The following PTGFRN variants were observed in gnomAD, a reference collection of about 807,000 sequenced individuals.
PTGFRN encodes the protein prostaglandin F2 receptor inhibitor.
A neutral mutation model predicts 83.2 loss-of-function variants in PTGFRN; 35 were observed. The ratio of observed to expected loss-of-function variants is 0.42; its 90% CI spans 0.32 to 0.56. The LOEUF is 0.56. Ranked by LOEUF, PTGFRN falls within the 20% of genes least tolerant of loss-of-function variation. PTGFRN has a pLI of 0.11. For synonymous variants in PTGFRN, 519 were observed against 498.6 expected, an observed-to-expected ratio of 1.04 and a Z score of -0.55; for missense variants, 1,051 against 1,179.5, an observed-to-expected ratio of 0.89 and a Z score of 1.60.
chr1:116,921,071 A>C (rs1649524836), intron 1 of PTGFRN, among the ~76,000 whole-genome samples: 1 of 152,214 alleles, frequency 6.6e-6, no homozygotes, highest in Non-Finnish European at 1.5e-5. Context: ...ACCTACTAAA[A>C]GGATACATTC....
chr1:116,973,789 G>A (rs1035412838), intron 6 of PTGFRN, among the ~76,000 whole-genome samples: 2 of 152,016 alleles, frequency 1.3e-5, no homozygotes, highest in Non-Finnish European at 2.9e-5. Context: ...CCAGCACAGT[G>A]CAGTGAGACC....
rs564838556 is a variant in PTGFRN at position 116,916,088 on chromosome 1, C to T, written c.49+5836C>T. On this transcript the variant is annotated intron_variant, in intron 1 of 8. Coordinates refer to ENST00000393203, the MANE Select transcript of PTGFRN (RefSeq NM_020440.4). ...GCTGGAGATCATGGCTCTGTGCATT[C>T]GCTTGTGTTCTTTGAAGGCTGATTT... 5.3e-5 allele frequency among the ~76,000 whole-genome samples: 8 copies of T among 152,278 alleles called. No individual in the cohort carries two copies. The South Asian group carries it at 6.2e-4, about 12-fold the overall frequency.
chr1:116,942,991 A>G (rs1650097647), intron 2 of PTGFRN, among the ~76,000 whole-genome samples: 1 of 152,254 alleles, frequency 6.6e-6, no homozygotes, highest in Non-Finnish European at 1.5e-5. Context: ...AAATAGAAAC[A>G]TTATAATTGT....
At chr1:116,910,306 G>A (rs1380653776) in intron 1 of PTGFRN, 54 bp downstream of exon 1, 13 of 1,266,354 alleles carry the variant, frequency 1.0e-5, no homozygotes, top group Non-Finnish European at 1.2e-5. Context: ...GGCCCTGGAG[G>A]GCTCGGCGGG....
intron 7 of PTGFRN, among the ~76,000 whole-genome samples, chr1:116,975,444 C>T (rs572107479): frequency 2.6e-5 from 4 of 152,200 alleles, no homozygotes; most frequent in Non-Finnish European, 5.9e-5. Flanking sequence ...GGTCCCTGAC[C>T]CCCGAGTAGC....
At chr1:116,969,016 T>G (rs1242100474) in intron 6 of PTGFRN, among the ~76,000 whole-genome samples, 1 of 152,168 alleles carries the variant, frequency 6.6e-6, no homozygotes, top group East Asian at 1.9e-4. Context: ...GTAAACATTA[T>G]TATTTGAAAG....
intron 1 of PTGFRN, among the ~76,000 whole-genome samples, chr1:116,935,500 T>C (rs559952062): frequency 1.9e-3 from 286 of 150,888 alleles, no homozygotes; most frequent in African/African-American, 6.8e-3. Flanking sequence ...GGGCAGGGGG[T>C]GGGGAGTGAT....
chr1:116,912,785 G>A (rs1427607358), intron 1 of PTGFRN, among the ~76,000 whole-genome samples: 2 of 152,274 alleles, frequency 1.3e-5, no homozygotes, highest in South Asian at 2.1e-4. Flanking sequence ...CAGACACTTC[G>A]TTCCAACTAA....
rs775523725 is a variant in PTGFRN at position 116,986,928 on chromosome 1, G to A, written c.2601G>A (p.Arg867=). Residue 867 remains arginine, a synonymous_variant, in exon 9 of 9, where the codon CGG becomes CGA. Coordinates refer to ENST00000393203, the MANE Select transcript of PTGFRN (RefSeq NM_020440.4). ...WCCKKEVQET[R]RERRRLMSME... The stretch of plus-strand genomic sequence containing the variant: ...GTAAGAAGGAGGTTCAGGAGACACG[G>A]CGCGAGCGCCGCAGGCTCATGTCGA... The A allele has an allele frequency of 6.2e-7, 1 of 1,614,266 alleles. No individual in the cohort carries two copies. Among genetic ancestry groups the A allele is most frequent in the South Asian group, 1.1e-5 (1 of 91,092 alleles).
chr1:116,928,437 T>G (rs899058218), intron 1 of PTGFRN, among the ~76,000 whole-genome samples: 2 of 152,202 alleles, frequency 1.3e-5, no homozygotes, highest in African/African-American at 4.8e-5. Flanking sequence ...TAGACTCTGG[T>G]GGTCAGCATT....
chr1:116,926,640 A>G (rs1304948026), intron 1 of PTGFRN, among the ~76,000 whole-genome samples: 1 of 152,188 alleles, frequency 6.6e-6, no homozygotes, highest in Non-Finnish European at 1.5e-5. Context: ...GTTGAATATT[A>G]AATCATATGA....
chr1:116,940,109 G>C (rs1650022538), intron 1 of PTGFRN, among the ~76,000 whole-genome samples: 1 of 152,184 alleles, frequency 6.6e-6, no homozygotes, highest in Non-Finnish European at 1.5e-5. Flanking sequence ...AGTGAAAAAA[G>C]AGTGGCAGTA....
rs759841546 is a variant in PTGFRN at position 116,949,317 on chromosome 1, A to G, written c.958A>G (p.Met320Val). The G allele has an allele frequency of 6.2e-7, 1 of 1,614,152 alleles. No homozygotes were observed. Residue 320 changes from methionine to valine, a missense_variant, in exon 4 of 9, where the codon ATG (methionine) becomes GTG (valine). Transcript: ENST00000393203. ...CGAGGTGACGTGGTCCTTCAGCAGG[A>G]TGCCTGACAGCACCCTACCTGGCTC... is the stretch of plus-strand genomic sequence containing the variant. ...RPEVTWSFSR[M>V]PDSTLPGSRV...
intron 4 of PTGFRN, among the ~76,000 whole-genome samples, chr1:116,960,028 A>G (rs1650603389): frequency 2.0e-5 from 3 of 152,206 alleles, no homozygotes; most frequent in Admixed American, 6.5e-5. Context: ...CTGAACATTC[A>G]GGCAGTAAAC....
At chr1:116,944,566 G>A in intron 2 of PTGFRN, 113 bp from the exon 3 acceptor site, 5 of 1,102,046 alleles carry the variant, frequency 4.5e-6, no homozygotes, top group Non-Finnish European at 5.9e-6. Flanking sequence ...GCCCATCCGG[G>A]TCTTGGAATG....
chr1:116,972,614 A>T (rs1651035100), intron 6 of PTGFRN, among the ~76,000 whole-genome samples: 1 of 152,212 alleles, frequency 6.6e-6, no homozygotes, highest in Non-Finnish European at 1.5e-5. Flanking sequence ...AGAAGTAGTA[A>T]TACCTATATT....
Position 116,984,758 on chromosome 1 carries a change from T to G in PTGFRN, c.2246T>G (p.Leu749Arg), listed in dbSNP as rs193251352. 3.4e-5 allele frequency: 55 copies of G among 1,614,134 alleles called. No homozygotes were observed. In the East Asian group the frequency reaches 1.2e-3, roughly 35 times the overall value. ...LDKAPVLLSSLDRKGIVTTSR... is the reference protein window; with the variant it reads ...LDKAPVLLSSRDRKGIVTTSR... The stretch of plus-strand genomic sequence containing the variant: ...AAGGCTCCTGTGCTCCTGTCTTCCC[T>G]GGATCGGAAGGGCATCGTGACCACC... Residue 749 changes from leucine (L) to arginine (R), a missense_variant, in exon 8 of 9, where the codon CTG becomes CGG. Transcript: ENST00000393203.
intron 4 of PTGFRN, among the ~76,000 whole-genome samples, chr1:116,957,144 T>C (rs980190515): frequency 6.8e-6 from 1 of 147,666 alleles, no homozygotes; most frequent in Non-Finnish European, 1.5e-5. Flanking sequence ...TCTCTCTCGC[T>C]GGCTCGCTGT....
Position 116,987,119 on chromosome 1 carries a change from A to G in PTGFRN, c.*152A>G, listed in dbSNP as rs1240897651. 4.7e-6 allele frequency: 4 copies of G among 845,166 alleles called. No homozygotes were observed. Among genetic ancestry groups the G allele is most frequent in the Admixed American group, 2.8e-5 (1 of 36,044 alleles). 52.4% of individuals were successfully genotyped at this position (845,166 alleles called of 1,614,324 possible). A position where few individuals can be genotyped will look rare whatever the true frequency, so the allele number is the denominator to read the frequency against. ...GGCGCTCTCTCTTTTCTGCATGTCA[A>G]GTTCTGAGCGCGGACATGTTTACCA... On this transcript the variant is annotated 3_prime_UTR_variant, in exon 9 of 9. Coordinates refer to ENST00000393203, the MANE Select transcript of PTGFRN (RefSeq NM_020440.4).
Sources: allele counts gnomAD v4.1 joint callset (sites outside exome capture counted in the v4.1 genomes callset), GRCh38; gene constraint gnomAD v4.1.1; transcripts MANE v1.5; gene names NCBI Gene and HGNC (gene_info 2026-07-23, HGNC 2026-07-21).